SMARCD1: variants seen among roughly 807,000 people sequenced by gnomAD.
The protein encoded by SMARCD1 is SWI/SNF-related matrix-associated actin-dependent regulator of chromatin subfamily D member 1.
A neutral mutation model predicts 70.8 loss-of-function variants in SMARCD1; 16 were observed. The ratio of observed to expected loss-of-function variants is 0.23; its 90% CI spans 0.15 to 0.34. The LOEUF is 0.34. Ranked by LOEUF, SMARCD1 falls within the 10% of genes least tolerant of loss-of-function variation. The pLI is 1.00. For missense variants in SMARCD1, 409 were observed against 655.5 expected, an observed-to-expected ratio of 0.62 and a Z score of 4.11; for synonymous variants, 249 against 246.0, an observed-to-expected ratio of 1.01 and a Z score of -0.11.
chr12:50,092,866 G>C (rs1365347106), intron 9 of SMARCD1, among the ~76,000 whole-genome samples: 3 of 151,958 alleles, frequency 2.0e-5, no homozygotes, highest in Admixed American at 6.6e-5. Flanking sequence ...GTAAAATCCT[G>C]TCTCTGAAAC....
At chr12:50,088,087 C>G in intron 5 of SMARCD1, 1 of 501,650 alleles carries the variant, frequency 2.0e-6, no homozygotes, top group Non-Finnish European at 3.5e-6. Flanking sequence ...AACCAGGGCT[C>G]AGTGTCAGAG....
rs771732238 is a variant in SMARCD1 at position 50,086,627 on chromosome 12, G to A, written c.372G>A (p.Lys124=). 2 of 1,614,026 alleles carry A rather than the reference G, an allele frequency of 1.2e-6. No homozygotes were observed. Among genetic ancestry groups the A allele is most frequent in the Admixed American group, 3.3e-5 (2 of 60,026 alleles). The change falls in exon 3 of 13, where the codon AAG becomes AAA. Residue 124 remains lysine (K), a synonymous_variant. Transcript: ENST00000394963. The stretch of plus-strand genomic sequence containing the variant: ...TAGTATTTATTCCCAACAGTGCAAA[G>A]AAAAAGAAGATGGCTGACAAAATTC... ...QAVQNRNHNA[K]KKKMADKILP... is the part of the protein sequence containing the mutation.
chr12:50,086,588 T>G, intron 2 of SMARCD1, 33 bp from the exon 3 acceptor site: 3 of 1,609,312 alleles, frequency 1.9e-6, no homozygotes, highest in Non-Finnish European at 2.6e-6. Context: ...ACTAGTTCTG[T>G]CCCAACCTGA....
intron 8 of SMARCD1, 23 bp downstream of exon 8, chr12:50,090,425 T>C: frequency 6.2e-7 from 1 of 1,613,580 alleles, no homozygotes. Flanking sequence ...CCCATTCTTT[T>C]GCTAGAATCC....
intron 1 of SMARCD1, 46 bp from the exon 2 acceptor site, chr12:50,086,115 T>A: frequency 2.2e-6 from 3 of 1,384,528 alleles, no homozygotes; most frequent in Non-Finnish European, 2.9e-6. Context: ...TTGATGGGGT[T>A]TAGCAGGTGA....
rs889721451 is a variant in SMARCD1 at position 50,093,048 on chromosome 12, C to T, written c.1134-1389C>T. On this transcript the variant is annotated intron_variant, in intron 9 of 12. Coordinates refer to ENST00000394963, the MANE Select transcript of SMARCD1 (RefSeq NM_003076.5). Reference sequence around the variant, plus strand: ...AAAATTAGCTGGGCATGGTGGTGGGCGCCTGTAGTCCCAGCTACTTGGGAG... The same window carrying T: ...AAAATTAGCTGGGCATGGTGGTGGGTGCCTGTAGTCCCAGCTACTTGGGAG... Among the ~76,000 whole-genome samples, 18 of 151,604 alleles carry T rather than the reference C, an allele frequency of 1.2e-4. No individual in the cohort carries two copies. The East Asian group carries it at 3.6e-3, about 30-fold the overall frequency.
At chr12:50,098,925 C>T (rs367698006) in intron 12 of SMARCD1, 22 bp from the exon 13 acceptor site, 7 of 1,613,408 alleles carry the variant, frequency 4.3e-6, no homozygotes, top group Non-Finnish European at 5.9e-6. Context: ...ATCTTCCACT[C>T]CCTTCACTAT....
chr12:50,094,960 G>C (rs1950879848), intron 10 of SMARCD1, among the ~76,000 whole-genome samples: 1 of 152,126 alleles, frequency 6.6e-6, no homozygotes, highest in Non-Finnish European at 1.5e-5. Flanking sequence ...ATCACACCCG[G>C]CTGATTTTTG....
chr12:50,094,347 T>G (rs1194122302), intron 9 of SMARCD1, 90 bp from the exon 10 acceptor site: 13 of 1,342,660 alleles, frequency 9.7e-6, no homozygotes, highest in Non-Finnish European at 1.3e-5. Flanking sequence ...TTAGCCCCTT[T>G]TCTCTTCATC....
chr12:50,087,043 G>C (rs1004914638), intron 4 of SMARCD1, 165 bp downstream of exon 4: 12 of 742,434 alleles, frequency 1.6e-5, no homozygotes, highest in Non-Finnish European at 2.4e-5. Flanking sequence ...GATAAGAACA[G>C]AATGGCAAAG....
At chr12:50,087,511 G>A (rs373116878) in intron 5 of SMARCD1, 26 bp downstream of exon 5, 36 of 1,611,262 alleles carry the variant, frequency 2.2e-5, no homozygotes, top group Non-Finnish European at 3.0e-5. Context: ...ACAATGGTTG[G>A]CATCTAGGGT....
chr12:50,100,410 C>T lies in SMARCD1; in HGVS notation c.*1410C>T, dbSNP rs1384460954. 1 of 151,868 alleles carries T rather than the reference C, an allele frequency of 6.6e-6. No homozygotes were observed. The highest frequency in any genetic ancestry group is 1.5e-5 in the Non-Finnish European group (1 of 67,962). 9.4% of individuals were successfully genotyped at this position (151,868 alleles called of 1,614,324 possible). ...GGGGACAGCAGAATTTTCTCCCCGTCTTCCCCTTCCTGCCATTTTCCCTCC... is the reference window on the plus strand; with the variant it reads ...GGGGACAGCAGAATTTTCTCCCCGTTTTCCCCTTCCTGCCATTTTCCCTCC... On this transcript the variant is annotated 3_prime_UTR_variant, in exon 13 of 13. Coordinates refer to ENST00000394963, the MANE Select transcript of SMARCD1 (RefSeq NM_003076.5).
rs1483263210 is a variant in SMARCD1, at chr12:50,098,961, A to G, written c.1509A>G (p.Arg503=). The G allele has an allele frequency of 1.2e-6, 2 of 1,614,156 alleles. No homozygotes were observed. The highest frequency in any genetic ancestry group is 1.7e-5 in the Admixed American group (1 of 60,024). The part of the protein sequence containing the change: ...RYFYSKVQQR[R]QELEQALGIR... ...TTTCTCCTTAGGTGCAGCAGAGACG[A>G]CAAGAATTAGAGCAAGCCCTGGGAA... The change falls in exon 13 of 13, where the codon CGA becomes CGG. Residue 503 remains arginine, a synonymous_variant. Coordinates refer to ENST00000394963, the MANE Select transcript of SMARCD1 (RefSeq NM_003076.5).
chr12:50,093,573 T>C (rs1950866604), intron 9 of SMARCD1, among the ~76,000 whole-genome samples: 1 of 152,130 alleles, frequency 6.6e-6, no homozygotes, highest in South Asian at 2.1e-4. Context: ...ATCCTCGACC[T>C]CCTGGGCTCA....
intron 9 of SMARCD1, 25 bp from the exon 10 acceptor site, chr12:50,094,412 C>T (rs771824539): frequency 3.1e-6 from 5 of 1,609,082 alleles, no homozygotes; most frequent in Non-Finnish European, 4.2e-6. Flanking sequence ...AGCTCTTTAC[C>T]AGGCTCCTTT....
chr12:50,093,489 T>TTAA, intron 9 of SMARCD1, among the ~76,000 whole-genome samples: 1 of 151,718 alleles, frequency 6.6e-6, no homozygotes, highest in Middle Eastern at 3.4e-3. Context: ...ATTATTATTA[T>TTAA]TATTTCTTTT....
intron 9 of SMARCD1, among the ~76,000 whole-genome samples, chr12:50,090,868 A>G (rs1388238827): frequency 3.7e-5 from 4 of 109,424 alleles, no homozygotes; most frequent in East Asian, 3.0e-4. Flanking sequence ...TCTGTTGCCC[A>G]GGCTGGAGTC....
chr12:50,094,797 C>T (rs1003955937), intron 10 of SMARCD1, among the ~76,000 whole-genome samples: 1 of 152,014 alleles, frequency 6.6e-6, no homozygotes, highest in African/African-American at 2.4e-5. Flanking sequence ...ACCATAGTAC[C>T]TTTTTTTTCC....
chr12:50,090,470 C>T (rs1295237101), intron 8 of SMARCD1, 23 bp from the exon 9 acceptor site: 13 of 1,613,010 alleles, frequency 8.1e-6, no homozygotes, highest in Middle Eastern at 1.6e-4. Flanking sequence ...CTGCTAACCT[C>T]GTGCTTCTCC....
Sources: allele counts gnomAD v4.1 joint callset (sites outside exome capture counted in the v4.1 genomes callset), GRCh38; gene constraint gnomAD v4.1.1; transcripts MANE v1.5; gene names NCBI Gene and HGNC (gene_info 2026-07-23, HGNC 2026-07-21).